PBX1: variants seen among roughly 807,000 people sequenced by gnomAD.
PBX1 encodes the protein PBX homeobox 1.
Under a neutral mutation model 53.4 loss-of-function variants are expected in PBX1, and 6 were observed. The ratio of observed to expected loss-of-function variants is 0.11; its 90% CI spans 0.06 to 0.22. The LOEUF is 0.22. PBX1 is among the 10% of genes least tolerant of loss of function. PBX1 has a pLI of 1.00. For synonymous variants in PBX1, 204 were observed against 212.3 expected, an observed-to-expected ratio of 0.96 and a Z score of 0.34; for missense variants, 251 against 551.4, an observed-to-expected ratio of 0.46 and a Z score of 5.46.
At chr1:164,656,661 G>C (rs532875087) in intron 2 of PBX1, among the ~76,000 whole-genome samples, 38 of 151,960 alleles carry the variant, frequency 2.5e-4, no homozygotes, top group Admixed American at 1.8e-3. Context: ...GATGGCTATA[G>C]AGGAAAGTGA....
intron 2 of PBX1, among the ~76,000 whole-genome samples, chr1:164,732,638 C>CT (rs1308056002): frequency 6.6e-6 from 1 of 152,126 alleles, no homozygotes; most frequent in African/African-American, 2.4e-5. Flanking sequence ...ACCTAATACA[C>CT]TTTTTTTCTT....
intron 2 of PBX1, among the ~76,000 whole-genome samples, chr1:164,863,042 A>T (rs1558051229): frequency 3.3e-5 from 5 of 152,186 alleles, no homozygotes; most frequent in Admixed American, 1.3e-4. Flanking sequence ...CAGGCAGAGC[A>T]TTTGACATTT....
chr1:164,760,740 C>G (rs1213643484), intron 2 of PBX1, among the ~76,000 whole-genome samples: 1 of 152,126 alleles, frequency 6.6e-6, no homozygotes, highest in African/African-American at 2.4e-5. Flanking sequence ...CTTGCTTCAT[C>G]CTTCTGGACC....
chr1:164,837,178 C>T (rs887849985), intron 8 of PBX1, among the ~76,000 whole-genome samples: 6 of 152,084 alleles, frequency 3.9e-5, no homozygotes, highest in Non-Finnish European at 7.4e-5. Flanking sequence ...GTGTAGCCAC[C>T]GTTCACCGTT....
chr1:164,721,574 A>G (rs1266782517), intron 2 of PBX1, among the ~76,000 whole-genome samples: 1 of 152,216 alleles, frequency 6.6e-6, no homozygotes, highest in Non-Finnish European at 1.5e-5. Flanking sequence ...CACTGCAGTA[A>G]TGCTTTCAAA....
At chr1:164,751,699 C>T (rs1170054247) in intron 2 of PBX1, among the ~76,000 whole-genome samples, 3 of 151,154 alleles carry the variant, frequency 2.0e-5, no homozygotes, top group South Asian at 2.1e-4. Context: ...CTCCTGCCTC[C>T]GCCTCCCGAG....
At chr1:164,621,698 G>C (rs1451311728) in intron 2 of PBX1, among the ~76,000 whole-genome samples, 1 of 152,132 alleles carries the variant, frequency 6.6e-6, no homozygotes, top group Non-Finnish European at 1.5e-5. Flanking sequence ...TTAGCCAATG[G>C]AGTTTCTTAA....
intron 2 of PBX1, among the ~76,000 whole-genome samples, chr1:164,584,230 A>G (rs1654808371): frequency 6.6e-6 from 1 of 152,128 alleles, no homozygotes; most frequent in South Asian, 2.1e-4. Flanking sequence ...CAAGTGCAGT[A>G]CGGTGCATAC....
rs10629820 is a variant in PBX1, at chr1:164,752,206, T to TTGTGTGTG, written c.266-40255_266-40248dup. Among the ~76,000 whole-genome samples, 1,051 of 143,114 alleles carry TTGTGTGTG rather than the reference T, an allele frequency of 7.3e-3. 11 individuals carry two copies. The highest frequency in any genetic ancestry group is 0.014 in the South Asian group (60 of 4,412). The allele number at this position is 143,114 out of a possible 152,430, so 93.9% of individuals were successfully genotyped here. A position where few individuals can be genotyped will look rare whatever the true frequency, so the allele number is the denominator to read the frequency against. On this transcript the variant is annotated intron_variant, in intron 2 of 8. Transcript: ENST00000420696. ...TGTCCATTTAGACCCCTTTAAGGTT[T>TTGTGTGTG]TGTGTGTGTGTGTGTGTGTGTGTGT... is the stretch of plus-strand genomic sequence containing the variant.
rs959739222 is a variant in PBX1, at chr1:164,851,724, C to T, written c.*5048C>T. On this transcript the variant is annotated 3_prime_UTR_variant, in exon 9 of 9. Coordinates refer to ENST00000420696, the MANE Select transcript of PBX1 (RefSeq NM_002585.4). ...TCTGTCCCTTTTGATTCCAACTGAA[C>T]TTTTGTGTTCTCTAATGATACTAAC... is the stretch of plus-strand genomic sequence containing the variant. The T allele has an allele frequency of 1.1e-5, 2 of 180,246 alleles. No individual in the cohort carries two copies. The highest frequency in any genetic ancestry group is 1.2e-5 in the Non-Finnish European group (1 of 84,340). 11.2% of individuals were successfully genotyped at this position (180,246 alleles called of 1,614,324 possible).
At chr1:164,841,818 G>A (rs1048039151) in intron 8 of PBX1, among the ~76,000 whole-genome samples, 9 of 151,964 alleles carry the variant, frequency 5.9e-5, no homozygotes, top group African/African-American at 1.7e-4. Context: ...TTTTCTTCCC[G>A]GCCGTTCCCA....
At chr1:164,598,781 G>A (rs999188882) in intron 2 of PBX1, among the ~76,000 whole-genome samples, 1 of 152,134 alleles carries the variant, frequency 6.6e-6, no homozygotes, top group African/African-American at 2.4e-5. Flanking sequence ...ACCTGAAATA[G>A]CTTGACATTG....
chr1:164,823,043 A>G (rs1012495455), intron 8 of PBX1, among the ~76,000 whole-genome samples: 1 of 152,142 alleles, frequency 6.6e-6, no homozygotes, highest in Non-Finnish European at 1.5e-5. Flanking sequence ...TACCTTTTTC[A>G]GGCAGAATCT....
At chr1:164,731,328 ACT>A (rs1400127728) in intron 2 of PBX1, among the ~76,000 whole-genome samples, 3 of 151,138 alleles carry the variant, frequency 2.0e-5, no homozygotes, top group Non-Finnish European at 4.4e-5. Context: ...AAAAAAAAAA[ACT>A]CTCTTGGCTT....
At chr1:164,855,904 G>T (rs766641240), downstream of PBX1, among the ~76,000 whole-genome samples, 2 of 152,070 alleles carry the variant, frequency 1.3e-5, no homozygotes, top group African/African-American at 2.4e-5. Context: ...TGTAAAATGG[G>T]TCCTCTCCAG....
At chr1:164,561,596 C>A (rs1653049396) in intron 1 of PBX1, among the ~76,000 whole-genome samples, 1 of 152,068 alleles carries the variant, frequency 6.6e-6, no homozygotes, top group African/African-American at 2.4e-5. Flanking sequence ...TCAGACATAC[C>A]AATAAACTGG....
At chr1:164,807,903 T>C (rs997777756) in intron 5 of PBX1, among the ~76,000 whole-genome samples, 1 of 152,170 alleles carries the variant, frequency 6.6e-6, no homozygotes, top group Non-Finnish European at 1.5e-5. Context: ...GAAGAATAAG[T>C]AGAGTACAAT....
chr1:164,742,138 T>C (rs189596994), intron 2 of PBX1, among the ~76,000 whole-genome samples: 2 of 152,318 alleles, frequency 1.3e-5, no homozygotes, highest in Admixed American at 1.3e-4. Flanking sequence ...TAGGGAAACC[T>C]GTAGATATTT....
chr1:164,678,511 C>T (rs1459147970), intron 2 of PBX1, among the ~76,000 whole-genome samples: 1 of 152,188 alleles, frequency 6.6e-6, no homozygotes, highest in Admixed American at 6.5e-5. Context: ...GCCTTCTTCA[C>T]GTGACTGGCT....
Sources: gnomAD v4.1 joint callset for allele counts (sites outside exome capture counted in the v4.1 genomes callset) on GRCh38, gnomAD v4.1.1 for gene constraint, MANE v1.5 for transcripts, NCBI Gene and HGNC (gene_info 2026-07-23, HGNC 2026-07-21) for gene names.